CELF5: variants seen among roughly 807,000 people sequenced by gnomAD.
CELF5 encodes CUGBP Elav-like family member 5.
A neutral mutation model predicts 54.9 loss-of-function variants in CELF5; 6 were observed. The ratio of observed to expected loss-of-function variants is 0.11; its 90% CI spans 0.06 to 0.22. CELF5 has a LOEUF of 0.22. Ranked by LOEUF, CELF5 falls within the 10% of genes least tolerant of loss-of-function variation. CELF5 has a pLI of 1.00. For missense variants in CELF5, 401 were observed against 678.6 expected, an observed-to-expected ratio of 0.59 and a Z score of 4.54; for synonymous variants, 271 against 290.9, an observed-to-expected ratio of 0.93 and a Z score of 0.70.
At chr19:3,284,686 C>T (rs1420808940) in intron 8 of CELF5, 1 of 579,476 alleles carries the variant, frequency 1.7e-6, no homozygotes, top group Non-Finnish European at 3.1e-6. Context: ...CCGAGAAACC[C>T]GGATTCCAGT....
chr19:3,286,225 G>A, intron 10 of CELF5, 200 bp downstream of exon 10: 2 of 514,308 alleles, frequency 3.9e-6, no homozygotes, highest in Non-Finnish European at 6.8e-6. Flanking sequence ...TCCGAAAAGA[G>A]AACCATGCTC....
In CELF5 at chr19:3,278,446, A is replaced by T. The variant is rs2080092836; in HGVS notation, c.603+336A>T. Among the ~76,000 whole-genome samples, 1 of 149,600 alleles carries T rather than the reference A, an allele frequency of 6.7e-6. No individual in the cohort carries two copies. The highest frequency in any genetic ancestry group is 2.1e-4 in the South Asian group (1 of 4,724). On this transcript the variant is annotated intron_variant, in intron 5 of 12. Transcript: ENST00000292672. The surrounding 1 kb of genome is among the most constrained non-coding windows in gnomAD (Gnocchi z 4.5). ...ATGTGTGTGTGTGAGTGCGTGTTTG[A>T]GTGTGTCATTACTAGTAGGCGAGTG... is the stretch of plus-strand genomic sequence containing the variant.
At chr19:3,254,890 C>T (rs557688325) in intron 2 of CELF5, among the ~76,000 whole-genome samples, 3 of 152,042 alleles carry the variant, frequency 2.0e-5, no homozygotes, top group African/African-American at 7.2e-5. Context: ...TCTGTCCATC[C>T]ATCTACCCTT....
chr19:3,224,833 C>G lies in CELF5; in HGVS notation c.94C>G (p.Pro32Ala). 1 of 1,587,778 alleles carries G rather than the reference C, an allele frequency of 6.3e-7. No individual in the cohort carries two copies. Among genetic ancestry groups the G allele is most frequent in the Non-Finnish European group, 8.6e-7 (1 of 1,168,498 alleles). Residue 32 changes from proline (P) to alanine (A), a missense_variant, in exon 1 of 13, where the codon CCC becomes GCC. By Grantham distance (27) the Pro-to-Ala change is conservative. Coordinates refer to ENST00000292672, the MANE Select transcript of CELF5 (RefSeq NM_021938.4). ...CGTGGGCAGCAGCGGGCCCGAGCCC[C>G]CCGGGGGGCAGCCCGACGGCATGAA... ...SPVGSSGPEP[P>A]GGQPDGMKDL...
intron 11 of CELF5, among the ~76,000 whole-genome samples, chr19:3,291,107 A>C (rs1599490489): frequency 1.3e-5 from 1 of 77,040 alleles, no homozygotes; most frequent in Non-Finnish European, 3.7e-5. Flanking sequence ...CAAAAAATAC[A>C]AAAAAAAAAT....
chr19:3,247,734 T>C (rs2079587522), intron 1 of CELF5, among the ~76,000 whole-genome samples: 1 of 152,016 alleles, frequency 6.6e-6, no homozygotes, highest in Non-Finnish European at 1.5e-5. Context: ...ATTGTGGTGA[T>C]ATATGCATAA....
At chr19:3,272,103 C>T (rs964304711) in intron 2 of CELF5, among the ~76,000 whole-genome samples, 2 of 152,152 alleles carry the variant, frequency 1.3e-5, no homozygotes, top group African/African-American at 4.8e-5. Flanking sequence ...TGCAGGGGCT[C>T]ACGCCTGTAA....
intron 2 of CELF5, among the ~76,000 whole-genome samples, chr19:3,254,782 C>T (rs1187631212): frequency 6.6e-6 from 1 of 151,216 alleles, no homozygotes; most frequent in Non-Finnish European, 1.5e-5. Flanking sequence ...ATCTGTTCAC[C>T]CATTTGCCCT....
chr19:3,289,256 TA>T (rs911541066), intron 10 of CELF5, among the ~76,000 whole-genome samples: 2 of 152,012 alleles, frequency 1.3e-5, no homozygotes, highest in African/African-American at 4.8e-5. Flanking sequence ...AGGGAAATAA[TA>T]AAAAAAATTT....
In CELF5 at chr19:3,278,898, G is replaced by T. The variant is rs2080102361; in HGVS notation, c.603+788G>T. Among the ~76,000 whole-genome samples the T allele has an allele frequency of 6.6e-6, 1 of 152,178 alleles. No homozygotes were observed. Among genetic ancestry groups the T allele is most frequent in the South Asian group, 2.1e-4 (1 of 4,828 alleles). ...GAGGCCCTGACAAAAAGAAAGGCTGGGAGGTGGCAACAGGTAGCCCAGAGG... is the reference window on the plus strand; with the variant it reads ...GAGGCCCTGACAAAAAGAAAGGCTGTGAGGTGGCAACAGGTAGCCCAGAGG... On this transcript the variant is annotated intron_variant, in intron 5 of 12. Coordinates refer to ENST00000292672, the MANE Select transcript of CELF5 (RefSeq NM_021938.4). The surrounding 1 kb of genome is among the most constrained non-coding windows in gnomAD (Gnocchi z 4.5).
rs1230537271 is a variant in CELF5, at chr19:3,275,272, C to G, written c.395-584C>G. Among the ~76,000 whole-genome samples, 1 of 152,226 alleles carries G rather than the reference C, an allele frequency of 6.6e-6. No homozygotes were observed. Among genetic ancestry groups the G allele is most frequent in the East Asian group, 1.9e-4 (1 of 5,192 alleles). ...CAGCCCCACCCAGCAGGGGGTCCAG[C>G]CTGCCAAGGCCCCTGGTCCACTGAG... is the stretch of plus-strand genomic sequence containing the variant. On this transcript the variant is annotated intron_variant, in intron 3 of 12. Transcript: ENST00000292672. The surrounding 1 kb of genome is among the most constrained non-coding windows in gnomAD (Gnocchi z 6.7).
At chr19:3,226,599 C>T (rs1916932618) in intron 1 of CELF5, among the ~76,000 whole-genome samples, 1 of 152,098 alleles carries the variant, frequency 6.6e-6, no homozygotes, top group Non-Finnish European at 1.5e-5. Context: ...CCACACGCCC[C>T]CACCCCTGGG....
rs1345886940 is a variant in CELF5 at position 3,285,674 on chromosome 19, C to A, written c.1103-268C>A. On this transcript the variant is annotated intron_variant, in intron 9 of 12. Coordinates refer to ENST00000292672, the MANE Select transcript of CELF5 (RefSeq NM_021938.4). ...ACGCCATGGGGTCCGCCCCCACCCC[C>A]CCTTCCCCGCCCCGTCTCGGTATTG... Among the ~76,000 whole-genome samples the A allele has an allele frequency of 5.3e-5, 7 of 131,758 alleles. No individual in the cohort carries two copies. In the East Asian group the frequency reaches 1.6e-3, roughly 31 times the overall value. The allele number at this position is 131,758 out of a possible 152,430, so 86.4% of individuals were successfully genotyped here. A position where few individuals can be genotyped will look rare whatever the true frequency, so the allele number is the denominator to read the frequency against.
At chr19:3,248,733 C>T (rs538051363) in intron 1 of CELF5, among the ~76,000 whole-genome samples, 5 of 152,160 alleles carry the variant, frequency 3.3e-5, no homozygotes, top group Non-Finnish European at 7.3e-5. Flanking sequence ...AATATACACC[C>T]AGACGTGGAA....
chr19:3,236,863 C>T (rs977305696), intron 1 of CELF5, among the ~76,000 whole-genome samples: 27 of 151,070 alleles, frequency 1.8e-4, no homozygotes, highest in African/African-American at 6.6e-4. Context: ...CGGGCCTGCA[C>T]CTGTAATACC....
At chr19:3,239,529 C>A (rs1276303106) in intron 1 of CELF5, among the ~76,000 whole-genome samples, 1 of 150,784 alleles carries the variant, frequency 6.6e-6, no homozygotes, top group Non-Finnish European at 1.5e-5. Flanking sequence ...AGCCATCATG[C>A]CCGGCTAACT....
intron 2 of CELF5, among the ~76,000 whole-genome samples, chr19:3,271,238 C>G (rs931152124): frequency 6.6e-6 from 1 of 151,436 alleles, no homozygotes; most frequent in Non-Finnish European, 1.5e-5. Flanking sequence ...GCAGGTGCCC[C>G]CCCATCTCTC....
intron 12 of CELF5, 149 bp downstream of exon 12, chr19:3,293,635 A>C (rs1282200979): frequency 3.0e-6 from 2 of 666,070 alleles, no homozygotes; most frequent in Non-Finnish European, 5.0e-6. Flanking sequence ...TGGCGGGGAC[A>C]GAGCTGGATG....
chr19:3,258,785 A>AT (rs1219753403), intron 2 of CELF5, among the ~76,000 whole-genome samples: 1 of 149,494 alleles, frequency 6.7e-6, no homozygotes, highest in Non-Finnish European at 1.5e-5. Flanking sequence ...CTAGTTTTTT[A>AT]TTTTTTGCAG....
Sources: allele counts gnomAD v4.1 joint callset (sites outside exome capture counted in the v4.1 genomes callset), GRCh38; gene constraint gnomAD v4.1.1; non-coding constraint Gnocchi (gnomAD v3.1); transcripts MANE v1.5; gene names NCBI Gene and HGNC (gene_info 2026-07-23, HGNC 2026-07-21).